The following PACS1 variants were observed in gnomAD, a reference collection of about 807,000 sequenced individuals.
PACS1 encodes PACS-1.
In PACS1, 24 loss-of-function variants were observed where a neutral mutation model predicts 115.0. That is an observed-to-expected ratio of 0.21 (90% CI 0.15 to 0.29). The LOEUF is 0.29. PACS1 is among the 10% of genes least tolerant of loss of function. PACS1 has a pLI of 1.00. For missense variants in PACS1, 838 were observed against 1,251.2 expected (o/e 0.67, Z 4.98); for synonymous variants, 453 against 504.5 (o/e 0.90, Z 1.37).
intron 1 of PACS1, among the ~76,000 whole-genome samples, chr11:66,134,254 CTTTTTTTTTTT>C (rs1162472902): frequency 5.3e-5 from 4 of 75,064 alleles, no homozygotes; most frequent in Non-Finnish European, 9.2e-5. Flanking sequence ...TTTTCTTTTT[CTTTTTTTTTTT>C]TTTTTTTTTT....
chr11:66,078,412 C>T lies in PACS1; in HGVS notation c.356+7570C>T, dbSNP rs201334132. ...CTCCAAATGACAGATCTTTTGGACA[C>T]ATTAGTGGTTATGTGATTTCTTTCT... On this transcript the variant is annotated intron_variant, in intron 1 of 23. Transcript: ENST00000320580. Among the ~76,000 whole-genome samples, 236 of 152,240 alleles carry T rather than the reference C, an allele frequency of 1.6e-3. 1 individual carries two copies. The highest frequency in any genetic ancestry group is 5.5e-3 in the African/African-American group (229 of 41,518).
chr11:66,238,103 A>G (rs1331412964), intron 19 of PACS1: 2 of 985,228 alleles, frequency 2.0e-6, no homozygotes, highest in Non-Finnish European at 2.4e-6. Flanking sequence ...TTTTCTAGCC[A>G]CTGGAGGGCC....
intron 1 of PACS1, chr11:66,121,100 T>C (rs1030940756): frequency 6.6e-6 from 3 of 455,886 alleles, no homozygotes; most frequent in African/African-American, 6.0e-5. Context: ...TCTAATAGCA[T>C]GTGCTTACTT....
At chr11:66,223,054 C>CAA (rs71461612) in intron 10 of PACS1, among the ~76,000 whole-genome samples, 40 of 74,906 alleles carry the variant, frequency 5.3e-4, no homozygotes, top group African/African-American at 7.6e-4. Context: ...CCTCGATTTA[C>CAA]AAAAAAAAAA....
Position 66,241,569 on chromosome 11 carries a change from G to C in PACS1, c.2572G>C (p.Val858Leu). The change falls in exon 22 of 24, where the codon GTG becomes CTG. Residue 858 changes from valine to leucine, a missense_variant. By Grantham distance (32) the Val-to-Leu change is conservative. Around this residue, in one of 6 missense-constraint regions of PACS1, gnomAD observed 84 missense variants for 187.1 expected, o/e 0.45. Transcript: ENST00000320580. ...CAAGAGTGTCTTCCGCTCAGTGCAG[G>C]TGTCCCGCCTGCCCCATAGTGGGGA... is the stretch of plus-strand genomic sequence containing the variant. ...TLKSVFRSVQ[V>L]SRLPHSGEAQ... 6.2e-7 allele frequency: 1 copy of C among 1,614,216 alleles called. No individual in the cohort carries two copies.
chr11:66,136,922 C>T (rs201929428), intron 1 of PACS1, among the ~76,000 whole-genome samples: 2 of 152,044 alleles, frequency 1.3e-5, no homozygotes, highest in East Asian at 3.8e-4. Context: ...TCTCCAGCCT[C>T]AGCATTGCCC....
At chr11:66,192,104 TA>T (rs926162793) in intron 1 of PACS1, among the ~76,000 whole-genome samples, 162 of 148,072 alleles carry the variant, frequency 1.1e-3, no homozygotes, top group Non-Finnish European at 1.8e-3. Context: ...TGTCCTCCTT[TA>T]AAAAAAAAAC....
At chr11:66,147,922 G>A (rs1374989644) in intron 1 of PACS1, among the ~76,000 whole-genome samples, 3 of 152,010 alleles carry the variant, frequency 2.0e-5, no homozygotes, top group East Asian at 1.9e-4. Flanking sequence ...GGTATTGCAT[G>A]CCTATATCAA....
intron 4 of PACS1, among the ~76,000 whole-genome samples, chr11:66,212,376 C>A (rs1855095398): frequency 1.3e-5 from 2 of 151,712 alleles, no homozygotes; most frequent in Admixed American, 6.6e-5. Flanking sequence ...TTGTGATCCG[C>A]CCGCCTTGGC....
intron 1 of PACS1, among the ~76,000 whole-genome samples, chr11:66,171,603 G>A (rs1590794693): frequency 6.7e-6 from 1 of 148,194 alleles, no homozygotes; most frequent in Admixed American, 6.7e-5. Flanking sequence ...TTTTTGAAAC[G>A]GAGTCTCGCT....
intron 1 of PACS1, among the ~76,000 whole-genome samples, chr11:66,127,940 G>C (rs538892080): frequency 2.6e-5 from 4 of 152,210 alleles, no homozygotes; most frequent in Non-Finnish European, 5.9e-5. Flanking sequence ...AAAACGCCTA[G>C]ATCTTACTGT....
chr11:66,081,680 G>C (rs531486381), intron 1 of PACS1, among the ~76,000 whole-genome samples: 1 of 152,132 alleles, frequency 6.6e-6, no homozygotes, highest in Admixed American at 6.5e-5. Flanking sequence ...TACAGGCCCC[G>C]CCTGCAAACC....
rs1304027684 is a variant in PACS1, at chr11:66,242,917, A to G, written c.2662A>G (p.Thr888Ala). The change falls in exon 23 of 24, where the codon ACC becomes GCC. Residue 888 changes from threonine (T) to alanine (A), a missense_variant. By Grantham distance (58) the Thr-to-Ala change is moderately conservative. Coordinates refer to ENST00000320580, the MANE Select transcript of PACS1 (RefSeq NM_018026.4). ...TGGCCTTGCTTGCTTTCCAGTTCCCACCATCTTCCTGAGCAAGAAACCCCG... is the reference window on the plus strand; with the variant it reads ...TGGCCTTGCTTGCTTTCCAGTTCCCGCCATCTTCCTGAGCAAGAAACCCCG... ...VTKEKNKKVP[T>A]IFLSKKPREK... The G allele has an allele frequency of 6.2e-7, 1 of 1,613,878 alleles. No homozygotes were observed. Among genetic ancestry groups the G allele is most frequent in the East Asian group, 2.2e-5 (1 of 44,860 alleles).
At chr11:66,148,866 C>T (rs2134605151) in intron 1 of PACS1, among the ~76,000 whole-genome samples, 1 of 152,218 alleles carries the variant, frequency 6.6e-6, no homozygotes, top group East Asian at 1.9e-4. Flanking sequence ...GTGGAGGTTG[C>T]AGTGAGCCGA....
intron 1 of PACS1, among the ~76,000 whole-genome samples, chr11:66,086,235 T>C (rs1330879262): frequency 6.9e-6 from 1 of 145,634 alleles, no homozygotes; most frequent in African/African-American, 2.6e-5. Context: ...CCCCCCGGGG[T>C]TCACGCCATT....
chr11:66,213,600 T>C (rs990307129), intron 4 of PACS1, among the ~76,000 whole-genome samples: 4 of 152,260 alleles, frequency 2.6e-5, no homozygotes, highest in African/African-American at 9.6e-5. Context: ...TGCTCGTGTC[T>C]ACACACGTCA....
At chr11:66,232,705 C>A (rs569664190) in intron 14 of PACS1, among the ~76,000 whole-genome samples, 1 of 152,034 alleles carries the variant, frequency 6.6e-6, no homozygotes, top group Non-Finnish European at 1.5e-5. Context: ...ACACTGGTGC[C>A]GGGGACACCT....
intron 1 of PACS1, among the ~76,000 whole-genome samples, chr11:66,122,271 C>A (rs1858462165): frequency 6.6e-6 from 1 of 152,188 alleles, no homozygotes; most frequent in Admixed American, 6.6e-5. Flanking sequence ...CTGTTGAGAC[C>A]TGCTCAGAAG....
chr11:66,184,757 T>C (rs190453610), intron 1 of PACS1, among the ~76,000 whole-genome samples: 2 of 152,344 alleles, frequency 1.3e-5, no homozygotes, highest in Non-Finnish European at 2.9e-5. Flanking sequence ...TTAAATCCTG[T>C]CCTTTCAACT....
Sources: allele counts gnomAD v4.1 joint callset (sites outside exome capture counted in the v4.1 genomes callset), GRCh38; gene constraint gnomAD v4.1.1; regional missense constraint gnomAD v4.1.1; transcripts MANE v1.5; gene names NCBI Gene and HGNC (gene_info 2026-07-23, HGNC 2026-07-21).